The following CFAP299 variants were observed in gnomAD, a reference collection of about 807,000 sequenced individuals.
The protein encoded by CFAP299 is cilia and flagella associated protein 299.
CFAP299 carries 21 observed loss-of-function variants against 27.0 expected under a neutral mutation model. The observed-to-expected ratio is 0.78, with a 90% CI of 0.55 to 1.12. The LOEUF is 1.12. Ranked by LOEUF, CFAP299 falls within the 50% of genes most tolerant of loss-of-function variation. CFAP299 has a pLI of 0.00. For missense variants in CFAP299, 310 were observed against 276.6 expected, an observed-to-expected ratio of 1.12 and a Z score of -0.86; for synonymous variants, 104 against 98.1, an observed-to-expected ratio of 1.06 and a Z score of -0.36.
At chr4:80,678,339 T>A (rs1375819948) in intron 3 of CFAP299, among the ~76,000 whole-genome samples, 1 of 152,072 alleles carries the variant, frequency 6.6e-6, no homozygotes, top group Non-Finnish European at 1.5e-5. Flanking sequence ...ATGTGGCTTC[T>A]ACTCTGAGCA....
At chr4:80,745,880 G>A (rs1724555445) in intron 3 of CFAP299, among the ~76,000 whole-genome samples, 1 of 152,088 alleles carries the variant, frequency 6.6e-6, no homozygotes, top group Admixed American at 6.6e-5. Flanking sequence ...TACTAGTGAG[G>A]AAAGCTGGTC....
At chr4:80,796,766 C>A (rs1727889058) in intron 3 of CFAP299, among the ~76,000 whole-genome samples, 1 of 152,150 alleles carries the variant, frequency 6.6e-6, no homozygotes, top group Admixed American at 6.6e-5. Context: ...TGGCACCAAT[C>A]TCTGTAATCC....
chr4:80,386,522 G>C lies in CFAP299; in HGVS notation c.242+23638G>C, dbSNP rs867079050. On this transcript the variant is annotated intron_variant, in intron 2 of 5. Transcript: ENST00000358105. ...TCTCGCGGGCGGTGGTGGGGGGGGG[G>C]GGTGCCGCCGGGTTTGCAGGTCCTT... 7 of 1,574,802 alleles carry C rather than the reference G, an allele frequency of 4.4e-6. No individual in the cohort carries two copies. In the African/African-American group the frequency reaches 9.5e-5, roughly 21 times the overall value.
At chr4:80,802,131 A>G (rs1457025197) in intron 3 of CFAP299, among the ~76,000 whole-genome samples, 1 of 152,092 alleles carries the variant, frequency 6.6e-6, no homozygotes, top group African/African-American at 2.4e-5. Context: ...CATTTTAATT[A>G]AAATATTTGA....
At chr4:80,803,703 ATAC>A (rs1210130146) in intron 3 of CFAP299, among the ~76,000 whole-genome samples, 1 of 149,514 alleles carries the variant, frequency 6.7e-6, no homozygotes, top group Non-Finnish European at 1.5e-5. Flanking sequence ...TATACAGAAT[ATAC>A]TACATTATAT....
intron 3 of CFAP299, among the ~76,000 whole-genome samples, chr4:80,712,958 A>T (rs554439249): frequency 6.6e-6 from 1 of 152,124 alleles, no homozygotes; most frequent in Non-Finnish European, 1.5e-5. Context: ...CTATCCTTTC[A>T]TTCATTCATT....
At chr4:80,926,589 G>T (rs949498913) in intron 4 of CFAP299, among the ~76,000 whole-genome samples, 1 of 151,976 alleles carries the variant, frequency 6.6e-6, no homozygotes, top group African/African-American at 2.4e-5. Flanking sequence ...AACAACCTAG[G>T]ATAATCCACA....
chr4:80,616,333 G>T (rs1433020290), intron 3 of CFAP299, among the ~76,000 whole-genome samples: 3 of 152,024 alleles, frequency 2.0e-5, no homozygotes, highest in Non-Finnish European at 1.5e-5. Flanking sequence ...GACTTCAAAA[G>T]AACTATAAAG....
At chr4:80,531,408 C>T (rs1029361045) in intron 2 of CFAP299, among the ~76,000 whole-genome samples, 1 of 152,086 alleles carries the variant, frequency 6.6e-6, no homozygotes, top group African/African-American at 2.4e-5. Context: ...TTAACTTTGC[C>T]AATTTTCAAT....
At chr4:80,398,940 A>G (rs948828108) in intron 2 of CFAP299, among the ~76,000 whole-genome samples, 3 of 152,222 alleles carry the variant, frequency 2.0e-5, no homozygotes, top group African/African-American at 7.2e-5. Flanking sequence ...CAATCTACTC[A>G]TCTGACAAAG....
chr4:80,342,952 A>C (rs1004375557), intron 1 of CFAP299, among the ~76,000 whole-genome samples: 1 of 152,226 alleles, frequency 6.6e-6, no homozygotes. Context: ...AGTGACACAC[A>C]TAGGCTCAAA....
At chr4:80,925,144 C>T (rs1578242835) in intron 4 of CFAP299, among the ~76,000 whole-genome samples, 1 of 152,014 alleles carries the variant, frequency 6.6e-6, no homozygotes, top group Non-Finnish European at 1.5e-5. Context: ...CTATGTCCCT[C>T]AATATGTGCC....
intron 3 of CFAP299, among the ~76,000 whole-genome samples, chr4:80,863,425 A>G (rs548596123): frequency 3.9e-5 from 6 of 152,144 alleles, no homozygotes; most frequent in Non-Finnish European, 7.4e-5. Context: ...ACTCTAATTC[A>G]TCTTTTTCCA....
intron 2 of CFAP299, among the ~76,000 whole-genome samples, chr4:80,489,102 G>A (rs775975449): frequency 2.6e-5 from 4 of 151,656 alleles, no homozygotes; most frequent in Non-Finnish European, 5.9e-5. Context: ...AGGTGGTTGT[G>A]TCCTCTCTGA....
At chr4:80,754,948 A>C (rs1725149693) in intron 3 of CFAP299, among the ~76,000 whole-genome samples, 1 of 152,118 alleles carries the variant, frequency 6.6e-6, no homozygotes, top group Admixed American at 6.6e-5. Context: ...GGGAGGAAAC[A>C]ATGTTCTTTC....
chr4:80,798,667 A>G (rs1012084449), intron 3 of CFAP299, among the ~76,000 whole-genome samples: 1 of 152,068 alleles, frequency 6.6e-6, no homozygotes, highest in African/African-American at 2.4e-5. Context: ...GAGGCTCAGT[A>G]TCTGCTTCTA....
chr4:80,688,824 T>C (rs1300255567), intron 3 of CFAP299, among the ~76,000 whole-genome samples: 1 of 151,526 alleles, frequency 6.6e-6, no homozygotes, highest in African/African-American at 2.4e-5. Flanking sequence ...ATAACTAGAA[T>C]AACCAATACA....
intron 1 of CFAP299, among the ~76,000 whole-genome samples, chr4:80,344,267 AAAAG>A (rs1175184258): frequency 1.3e-5 from 2 of 152,070 alleles, no homozygotes; most frequent in Non-Finnish European, 1.5e-5. Context: ...TAGTAAAAAA[AAAAG>A]AGAGAGAGAG....
chr4:80,869,057 T>C (rs1027295), intron 3 of CFAP299, among the ~76,000 whole-genome samples: 37,007 of 151,902 alleles, frequency 0.24, 6,618 homozygotes, highest in African/African-American at 0.5. Flanking sequence ...TAGCTCATGT[T>C]CTTGTTTAAG....
Sources: gnomAD v4.1 joint callset for allele counts (sites outside exome capture counted in the v4.1 genomes callset) on GRCh38, gnomAD v4.1.1 for gene constraint, MANE v1.5 for transcripts, NCBI Gene and HGNC (gene_info 2026-07-23, HGNC 2026-07-21) for gene names.